Variants in ASNS observed in about 807,000 individuals in gnomAD.
ASNS encodes the protein asparagine synthetase (glutamine-hydrolyzing), also known as asparagine synthetase [glutamine-hydrolyzing].
Under a neutral mutation model 62.6 loss-of-function variants are expected in ASNS, and 37 were observed. The ratio of observed to expected loss-of-function variants is 0.59; its 90% confidence interval spans 0.45 to 0.78. The LOEUF (loss-of-function observed/expected upper bound fraction) is 0.78, where lower values mean the gene tolerates loss of function less well. ASNS is among the 30% of genes least tolerant of loss of function. The pLI, the probability that ASNS is intolerant of heterozygous loss-of-function variation, is 0.00. For synonymous variants in ASNS, 207 were observed against 237.9 expected (o/e 0.87, Z 1.19); for missense variants, 520 against 682.4 (o/e 0.76, Z 2.65).
intron 9 of ASNS, 109 bp from the exon 10 acceptor site, chr7:97,854,789 TAGGGA>T (rs754119265): frequency 6.4e-7 from 1 of 1,555,710 alleles, no homozygotes; most frequent in Non-Finnish European, 8.7e-7. Context: ...TAAACAAATT[TAGGGA>T]AGGGAGTAAA....
Position 97,854,605 on chromosome 7 carries a change from C to G in ASNS, c.1213G>C (p.Ala405Pro). Residue 405 changes from alanine (A) to proline (P), a missense_variant, in exon 10 of 13, where the codon GCA becomes CCA. Transcript: ENST00000394308. ...CCATGGGCAGCAGTAGTTCGATCTG[C>G]GCGGAGAACATCAAACAAATAGAGT... Reference protein sequence around the residue: ...RELYLFDVLRADRTTAAHGLE... With the variant: ...RELYLFDVLRPDRTTAAHGLE... 1 of 1,614,080 alleles carries G rather than the reference C, an allele frequency of 6.2e-7. No individual in the cohort carries two copies. The highest frequency in any genetic ancestry group is 8.5e-7 in the Non-Finnish European group (1 of 1,180,018).
chr7:97,859,194 G>A lies in ASNS; in HGVS notation c.673+19C>T. ...TCCCTTGGAGAAGGATGGGGAATAG[G>A]TGGGTGGGTGTCTGCTACCTGGAAA... is the stretch of plus-strand genomic sequence containing the variant. On this transcript the variant is annotated intron_variant, in intron 5 of 12. Transcript: ENST00000394308. The A allele has an allele frequency of 6.3e-7, 1 of 1,593,214 alleles. No homozygotes were observed. Among genetic ancestry groups the A allele is most frequent in the South Asian group, 1.1e-5 (1 of 88,820 alleles).
the ASNS span, among the ~76,000 whole-genome samples, chr7:97,909,718 G>T: frequency 1.8e-3 from 244 of 138,896 alleles, no homozygotes; most frequent in African/African-American, 4.1e-3. Context: ...TCAACTGAGG[G>T]TGACACAGAA....
chr7:97,870,916 A>G (rs1015852967), intron 1 of ASNS, among the ~76,000 whole-genome samples: 1 of 152,222 alleles, frequency 6.6e-6, no homozygotes, highest in Non-Finnish European at 1.5e-5. Context: ...TAGTAGGAAA[A>G]AGCCAATTAA....
chr7:97,884,464 G>T, the ASNS span, among the ~76,000 whole-genome samples: 2 of 152,104 alleles, frequency 1.3e-5, no homozygotes, highest in African/African-American at 2.4e-5. Context: ...CAGGAAAATC[G>T]CTTGAACTCG....
the ASNS span, among the ~76,000 whole-genome samples, chr7:97,885,664 T>A: frequency 4.6e-5 from 7 of 152,372 alleles, no homozygotes; most frequent in South Asian, 1.5e-3. Context: ...ATATTTACTT[T>A]TGCATTTTGT....
At chr7:97,881,446 T>C in the ASNS span, among the ~76,000 whole-genome samples, 7,548 of 144,588 alleles carry the variant, frequency 0.052, 552 homozygotes, top group African/African-American at 0.18. Context: ...TTCCCCCAGC[T>C]CCTGGCAACC....
At chr7:97,911,324 G>A in the ASNS span, among the ~76,000 whole-genome samples, 1 of 152,124 alleles carries the variant, frequency 6.6e-6, no homozygotes, top group African/African-American at 2.4e-5. Context: ...TTATCGAAAA[G>A]TTTTCATAAC....
At chr7:97,864,107 C>T (rs1791847211) in intron 4 of ASNS, 152 bp downstream of exon 4, 1 of 651,254 alleles carries the variant, frequency 1.5e-6, no homozygotes, top group East Asian at 2.8e-5. Context: ...AAGGAGAGTA[C>T]AACTCCTCTG....
At chr7:97,908,489 C>T in the ASNS span, 1 of 152,142 alleles carries the variant, frequency 6.6e-6, no homozygotes, top group Middle Eastern at 3.4e-3. Context: ...AAATCTCTGC[C>T]TCCCAGGCTT....
At chr7:97,871,633 A>G (rs1792267100) in intron 1 of ASNS, 1 of 152,480 alleles carries the variant, frequency 6.6e-6, no homozygotes, top group East Asian at 1.9e-4. Flanking sequence ...ATCTGAAGCC[A>G]GCCCTGCAAA....
intron 11 of ASNS, 38 bp downstream of exon 11, chr7:97,853,267 T>G: frequency 1.9e-6 from 3 of 1,611,774 alleles, no homozygotes; most frequent in Non-Finnish European, 2.5e-6. Context: ...TATAATCTGA[T>G]GGCAATGGAC....
chr7:97,914,997 A>G, the ASNS span, among the ~76,000 whole-genome samples: 5 of 152,256 alleles, frequency 3.3e-5, no homozygotes, highest in Non-Finnish European at 5.9e-5. Flanking sequence ...GCTGAAGAAG[A>G]GCGGGGGGCA....
the ASNS span, among the ~76,000 whole-genome samples, chr7:97,895,495 A>T: frequency 6.6e-6 from 1 of 152,046 alleles, no homozygotes. Context: ...CTACCAAAAA[A>T]CTCTTAAAAT....
In ASNS at chr7:97,851,757, A is replaced by C. The variant is rs1791193943; in HGVS notation, c.*502T>G. On this transcript the variant is annotated 3_prime_UTR_variant, in exon 13 of 13. Coordinates refer to ENST00000394308, the MANE Select transcript of ASNS (RefSeq NM_001673.5). ...CCCCTGCTCTAGGACAAGTCTCCAGAAGTGGCTTTGGCTCAACATAAAAGA... is the reference window on the plus strand; with the variant it reads ...CCCCTGCTCTAGGACAAGTCTCCAGCAGTGGCTTTGGCTCAACATAAAAGA... 1 of 153,970 alleles carries C rather than the reference A, an allele frequency of 6.5e-6. No homozygotes were observed. The highest frequency in any genetic ancestry group is 1.4e-5 in the Non-Finnish European group (1 of 69,206). 9.5% of individuals were successfully genotyped at this position (153,970 alleles called of 1,614,324 possible).
intron 9 of ASNS, 21 bp from the exon 10 acceptor site, chr7:97,854,701 C>A (rs1311249192): frequency 1.2e-6 from 2 of 1,613,764 alleles, no homozygotes; most frequent in Admixed American, 1.7e-5. Flanking sequence ...AACAAAAACA[C>A]CAAGAGTTTT....
chr7:97,927,702 C>T, the ASNS span, among the ~76,000 whole-genome samples: 1 of 152,280 alleles, frequency 6.6e-6, no homozygotes, highest in Non-Finnish European at 1.5e-5. Context: ...TCTCCCTTCT[C>T]ATCCTTTCCG....
the ASNS span, among the ~76,000 whole-genome samples, chr7:97,903,248 T>G: frequency 1.3e-3 from 204 of 152,106 alleles, 1 homozygote; most frequent in South Asian, 7.1e-3. Context: ...CAGAGTTTTT[T>G]TTTTTTTTTT....
At chr7:97,862,457 G>T (rs1039617037) in intron 4 of ASNS, among the ~76,000 whole-genome samples, 8 of 152,170 alleles carry the variant, frequency 5.3e-5, no homozygotes, top group African/African-American at 1.9e-4. Flanking sequence ...GGGTTAGGAG[G>T]AAGAGGACGG....
Sources: gnomAD v4.1 joint callset for allele counts (sites outside exome capture counted in the v4.1 genomes callset) on GRCh38, gnomAD v4.1.1 for gene constraint, MANE v1.5 for transcripts, NCBI Gene and HGNC (gene_info 2026-07-23, HGNC 2026-07-21) for gene names.